The following CFAP61 variants were observed in gnomAD, a reference collection of about 807,000 sequenced individuals.
The protein encoded by CFAP61 is cilia- and flagella-associated protein 61.
A neutral mutation model predicts 135.6 loss-of-function variants in CFAP61; 107 were observed. That is an observed-to-expected ratio of 0.79 (90% CI 0.67 to 0.93). The LOEUF is 0.93. CFAP61 is among the 40% of genes least tolerant of loss of function. The pLI is 0.00. For synonymous variants in CFAP61, 575 were observed against 578.5 expected (o/e 0.99, Z 0.09); for missense variants, 1,507 against 1,556.2 (o/e 0.97, Z 0.53).
At chr20:20,233,800 C>T (rs2049355740) in intron 18 of CFAP61, among the ~76,000 whole-genome samples, 1 of 152,196 alleles carries the variant, frequency 6.6e-6, no homozygotes, top group African/African-American at 2.4e-5. Context: ...TAACTTATCT[C>T]CTCATACCCA....
intron 24 of CFAP61, among the ~76,000 whole-genome samples, chr20:20,296,406 CTTT>C (rs1569261189): frequency 4.2e-5 from 5 of 120,390 alleles, no homozygotes; most frequent in Non-Finnish European, 8.7e-5. Flanking sequence ...TGCCTTCCTT[CTTT>C]CTTTCTTTTC....
At position 20,360,598 on chromosome 20, in the gene CFAP61, G is replaced by T; in HGVS notation, c.*188G>T. 1.7e-6 allele frequency: 1 copy of T among 595,996 alleles called. No homozygotes were observed. The highest frequency in any genetic ancestry group is 1.9e-5 in the African/African-American group (1 of 53,900). The allele number at this position is 595,996 out of a possible 1,614,324, so 36.9% of individuals were successfully genotyped here. A position where few individuals can be genotyped will look rare whatever the true frequency, so the allele number is the denominator to read the frequency against. ...TCATCCCAGTAGGTGGCACACGGCC[G>T]TGTGCCTCTCTTCTGGGGCAGGCTC... On this transcript the variant is annotated 3_prime_UTR_variant, in exon 27 of 27. Transcript: ENST00000245957.
chr20:20,160,842 C>T (rs1444295973), intron 10 of CFAP61, among the ~76,000 whole-genome samples: 1 of 152,182 alleles, frequency 6.6e-6, no homozygotes, highest in African/African-American at 2.4e-5. Flanking sequence ...GGGGAAGCAG[C>T]CATCAGCCAG....
intron 15 of CFAP61, among the ~76,000 whole-genome samples, chr20:20,194,498 T>C (rs1189346797): frequency 1.3e-5 from 2 of 152,256 alleles, no homozygotes; most frequent in Admixed American, 6.5e-5. Context: ...ATTTCCTTAA[T>C]AATTTGTCTT....
intron 15 of CFAP61, among the ~76,000 whole-genome samples, chr20:20,196,021 C>G (rs1345903622): frequency 1.3e-5 from 2 of 152,196 alleles, no homozygotes; most frequent in African/African-American, 4.8e-5. Context: ...GTGAAGGTTG[C>G]AGTGAGCGAA....
chr20:20,187,190 A>G (rs960894540), intron 13 of CFAP61, among the ~76,000 whole-genome samples: 1 of 152,182 alleles, frequency 6.6e-6, no homozygotes, highest in African/African-American at 2.4e-5. Context: ...GAGCCTCTCT[A>G]TACCCTTGTC....
At chr20:20,146,850 C>T (rs1417971260) in intron 9 of CFAP61, among the ~76,000 whole-genome samples, 1 of 152,132 alleles carries the variant, frequency 6.6e-6, no homozygotes, top group Admixed American at 6.5e-5. Context: ...GATTTTAGTG[C>T]ATCCGTCACC....
intron 20 of CFAP61, among the ~76,000 whole-genome samples, chr20:20,257,619 A>C (rs34350424): frequency 8.2e-6 from 1 of 121,388 alleles, no homozygotes; most frequent in African/African-American, 3.2e-5. Flanking sequence ...CTCAAAAAAA[A>C]CAAAAAAACA....
At chr20:20,203,163 G>A (rs6081918) in intron 17 of CFAP61, among the ~76,000 whole-genome samples, 52,990 of 151,290 alleles carry the variant, frequency 0.35, 9,680 homozygotes, top group East Asian at 0.59. Context: ...AGCCTACCCC[G>A]CAGCAGGTCA....
At chr20:20,196,207 C>T (rs565845485) in intron 15 of CFAP61, among the ~76,000 whole-genome samples, 50 of 152,328 alleles carry the variant, frequency 3.3e-4, no homozygotes, top group African/African-American at 9.9e-4. Flanking sequence ...CCACAGGCTC[C>T]GTCTCTTGTG....
At chr20:20,253,539 C>A in intron 20 of CFAP61, 3 of 476,908 alleles carry the variant, frequency 6.3e-6, no homozygotes, top group Non-Finnish European at 1.2e-5. Flanking sequence ...ACATGTAAAC[C>A]CTTACGTTCA....
At chr20:20,138,581 G>A (rs11906762) in intron 8 of CFAP61, among the ~76,000 whole-genome samples, 4,061 of 152,292 alleles carry the variant, frequency 0.027, 189 homozygotes, top group African/African-American at 0.093. Context: ...AGGGGAATGG[G>A]GAAAGGTTAG....
At chr20:20,155,241 G>T (rs2052790917) in intron 9 of CFAP61, among the ~76,000 whole-genome samples, 1 of 152,098 alleles carries the variant, frequency 6.6e-6, no homozygotes, top group Non-Finnish European at 1.5e-5. Context: ...AATGAAGCTG[G>T]ATCCTCATCT....
In CFAP61 at chr20:20,187,998, T is replaced by C. The variant is rs753278586; in HGVS notation, c.1454T>C (p.Met485Thr). The part of the protein sequence containing the change: ...PGVENLVSTL[M>T]LNKSILEDLD... ...GTGGAAAATCTTGTCAGCACCCTCA[T>C]GTTGAATAAAAGCATATTGGAGGAC... The change falls in exon 14 of 27, where the codon ATG (methionine) becomes ACG (threonine). Residue 485 changes from methionine to threonine, a missense_variant. By Grantham distance (81) the Met-to-Thr change is moderately conservative. Coordinates refer to ENST00000245957, the MANE Select transcript of CFAP61 (RefSeq NM_015585.4). The C allele has an allele frequency of 5.6e-6, 9 of 1,614,012 alleles. No homozygotes were observed. The South Asian group carries it at 7.7e-5, about 14-fold the overall frequency.
At chr20:20,318,031 G>T (rs994019800) in intron 25 of CFAP61, among the ~76,000 whole-genome samples, 1 of 152,140 alleles carries the variant, frequency 6.6e-6, no homozygotes, top group African/African-American at 2.4e-5. Flanking sequence ...TGGCTACCAG[G>T]GATCTGCTGG....
At chr20:20,167,746 A>G (rs1229002165) in intron 12 of CFAP61, among the ~76,000 whole-genome samples, 4 of 152,202 alleles carry the variant, frequency 2.6e-5, no homozygotes, top group Non-Finnish European at 5.9e-5. Flanking sequence ...TAATTTGCTA[A>G]AAAGAAGGAA....
intron 8 of CFAP61, among the ~76,000 whole-genome samples, chr20:20,112,983 T>G (rs1294097244): frequency 6.6e-6 from 1 of 152,244 alleles, no homozygotes; most frequent in Non-Finnish European, 1.5e-5. Flanking sequence ...GTGCTTGTCC[T>G]CTTGTCTTTA....
chr20:20,172,089 C>A, intron 13 of CFAP61: 1 of 598,152 alleles, frequency 1.7e-6, no homozygotes, highest in Non-Finnish European at 2.3e-6. Context: ...GGCATGTGTC[C>A]AGTAAAAAAC....
intron 1 of CFAP61, among the ~76,000 whole-genome samples, chr20:20,054,065 G>T (rs1412597602): frequency 2.2e-5 from 2 of 90,744 alleles, no homozygotes; most frequent in African/African-American, 4.2e-5. Context: ...CTTACTTTTT[G>T]CCATCAATGC....
Sources: allele counts gnomAD v4.1 joint callset (sites outside exome capture counted in the v4.1 genomes callset), GRCh38; gene constraint gnomAD v4.1.1; transcripts MANE v1.5; gene names NCBI Gene and HGNC (gene_info 2026-07-23, HGNC 2026-07-21).